The following ARMC7 variants were observed in gnomAD, a reference collection of about 807,000 sequenced individuals.
The protein encoded by ARMC7 is armadillo repeat containing 7.
Under a neutral mutation model 14.8 loss-of-function variants are expected in ARMC7, and 9 were observed. That is an observed-to-expected ratio of 0.61 (90% CI 0.37 to 1.06). The LOEUF (loss-of-function observed/expected upper bound fraction) is 1.06. ARMC7 is among the 50% of genes least tolerant of loss of function. ARMC7 has a pLI of 0.01. For missense variants in ARMC7, 262 were observed against 267.1 expected, an observed-to-expected ratio of 0.98 and a Z score of 0.13; for synonymous variants, 125 against 123.4, an observed-to-expected ratio of 1.01 and a Z score of -0.09.
chr17:75,127,762 T>C (rs1020760249), intron 2 of ARMC7, among the ~76,000 whole-genome samples: 3 of 152,264 alleles, frequency 2.0e-5, no homozygotes, highest in Middle Eastern at 3.4e-3. Context: ...GCCTGGCTAA[T>C]TGTGTGTGTT....
intron 2 of ARMC7, among the ~76,000 whole-genome samples, chr17:75,123,647 C>T (rs192138836): frequency 6.6e-6 from 1 of 152,304 alleles, no homozygotes; most frequent in Admixed American, 6.5e-5. Flanking sequence ...TATTGCCAGA[C>T]ACAATGGCTC....
At chr17:75,113,708 C>G (rs2073950364) in intron 2 of ARMC7, among the ~76,000 whole-genome samples, 1 of 152,230 alleles carries the variant, frequency 6.6e-6, no homozygotes, top group South Asian at 2.1e-4. Flanking sequence ...TCCAGGTCTC[C>G]TCTAAAGAGG....
Position 75,129,424 on chromosome 17 carries a change from T to G in ARMC7, c.*386T>G. ...GCCTTCGCTGCAGGAAATCAGGGAT[T>G]ATCCCTTAACAGAAGTGTCTGGAGT... On this transcript the variant is annotated 3_prime_UTR_variant, in exon 3 of 3. Coordinates refer to ENST00000245543, the MANE Select transcript of ARMC7 (RefSeq NM_024585.4). 8.2e-6 allele frequency: 2 copies of G among 242,536 alleles called. No homozygotes were observed. Among genetic ancestry groups the G allele is most frequent in the Non-Finnish European group, 8.0e-6 (1 of 125,698 alleles). The allele number at this position is 242,536 out of a possible 1,614,324, so 15.0% of individuals were successfully genotyped here.
intron 2 of ARMC7, among the ~76,000 whole-genome samples, chr17:75,128,241 A>G (rs2074066471): frequency 6.6e-6 from 1 of 151,672 alleles, no homozygotes. Flanking sequence ...CACCCGGCTA[A>G]TTTTTGTATT....
chr17:75,119,051 AC>A (rs1255185435), intron 2 of ARMC7, among the ~76,000 whole-genome samples: 2 of 152,100 alleles, frequency 1.3e-5, no homozygotes, highest in East Asian at 3.9e-4. Flanking sequence ...TGATCCTCCG[AC>A]CCCAGCCTCC....
intron 2 of ARMC7, among the ~76,000 whole-genome samples, chr17:75,118,485 C>T (rs930261485): frequency 2.0e-4 from 31 of 152,228 alleles, no homozygotes; most frequent in African/African-American, 7.5e-4. Flanking sequence ...GTGGCGGTCT[C>T]TTTCTCCTGT....
At chr17:75,112,573 C>CTTTTTTTTT (rs549730217) in intron 2 of ARMC7, among the ~76,000 whole-genome samples, 52 of 100,442 alleles carry the variant, frequency 5.2e-4, no homozygotes, top group African/African-American at 8.8e-4. Flanking sequence ...TTCTCTTTTT[C>CTTTTTTTTT]TTTTTTTTTT....
intron 2 of ARMC7, among the ~76,000 whole-genome samples, chr17:75,122,188 T>C (rs768233597): frequency 1.1e-4 from 17 of 151,404 alleles, no homozygotes; most frequent in Non-Finnish European, 2.2e-4. Flanking sequence ...AAAAGGAAAT[T>C]AGTCGGGCAT....
Position 75,109,993 on chromosome 17 carries a change from C to A in ARMC7, c.-296C>A. On this transcript the variant is annotated 5_prime_UTR_variant, in exon 1 of 3. Coordinates refer to ENST00000245543, the MANE Select transcript of ARMC7 (RefSeq NM_024585.4). This position sits in a 1 kb window ranked among gnomAD's most constrained non-coding sequence, Gnocchi z 5.0. ...CGGAACCGAGCCCAGGAGCCGGGGA[C>A]GGTGCGCCAGTGCCCCCTCCGCGAG... is the stretch of plus-strand genomic sequence containing the variant. The A allele has an allele frequency of 2.9e-6, 1 of 341,398 alleles. No homozygotes were observed. Among genetic ancestry groups the A allele is most frequent in the South Asian group, 4.1e-5 (1 of 24,652 alleles). The allele number at this position is 341,398 out of a possible 1,614,324, so 21.1% of individuals were successfully genotyped here. A position where few individuals can be genotyped will look rare whatever the true frequency, so the allele number is the denominator to read the frequency against.
intron 2 of ARMC7, among the ~76,000 whole-genome samples, chr17:75,112,276 G>A (rs2073929662): frequency 6.6e-6 from 1 of 152,244 alleles, no homozygotes; most frequent in Middle Eastern, 3.4e-3. Context: ...ACAAAATTTT[G>A]AGAACAAACA....
intron 2 of ARMC7, among the ~76,000 whole-genome samples, chr17:75,122,780 G>A (rs1388732617): frequency 1.3e-5 from 2 of 152,020 alleles, no homozygotes; most frequent in African/African-American, 2.4e-5. Flanking sequence ...CCATTCTCAC[G>A]GAGTTTATAG....
chr17:75,125,556 AGCT>A (rs1362712620), intron 2 of ARMC7, among the ~76,000 whole-genome samples: 1 of 152,096 alleles, frequency 6.6e-6, no homozygotes. Context: ...ATGTTCCCCC[AGCT>A]GGGCACGGTG....
intron 2 of ARMC7, among the ~76,000 whole-genome samples, chr17:75,121,776 T>TA (rs1472540730): frequency 6.6e-6 from 1 of 152,174 alleles, no homozygotes; most frequent in East Asian, 1.9e-4. Context: ...TGGTTATACT[T>TA]TTTATTTCTC....
chr17:75,125,582 A>AGCCTAGCAC (rs2074045857), intron 2 of ARMC7, among the ~76,000 whole-genome samples: 1 of 152,182 alleles, frequency 6.6e-6, no homozygotes, highest in Non-Finnish European at 1.5e-5. Flanking sequence ...TCACACCCGT[A>AGCCTAGCAC]ATCCTAGCAC....
chr17:75,116,269 G>A (rs747956310), intron 2 of ARMC7, among the ~76,000 whole-genome samples: 10 of 152,176 alleles, frequency 6.6e-5, no homozygotes, highest in Non-Finnish European at 8.8e-5. Context: ...TGCTTACACC[G>A]CCTTCTTTCC....
intron 2 of ARMC7, among the ~76,000 whole-genome samples, chr17:75,112,721 G>A (rs1312482791): frequency 6.7e-6 from 1 of 150,308 alleles, no homozygotes; most frequent in East Asian, 1.9e-4. Context: ...GACTACAGGT[G>A]TGCACCACCA....
chr17:75,113,725 G>A (rs892398401), intron 2 of ARMC7, among the ~76,000 whole-genome samples: 2 of 152,244 alleles, frequency 1.3e-5, no homozygotes, highest in Admixed American at 6.5e-5. Context: ...GAGGAGAGGA[G>A]ATTCCTGGGG....
Position 75,128,803 on chromosome 17 carries a change from C to T in ARMC7, c.362C>T (p.Thr121Met), listed in dbSNP as rs770124022. The T allele has an allele frequency of 8.7e-6, 14 of 1,613,174 alleles. No homozygotes were observed. The highest frequency in any genetic ancestry group is 1.1e-5 in the Non-Finnish European group (13 of 1,180,014). ...NEETVLSAIT[T>M]LMHLSPPGRS... ...GAGACGGTGCTGTCTGCCATCACCA[C>T]GCTCATGCACCTGAGCCCGCCGGGC... Residue 121 changes from threonine (T) to methionine (M), a missense_variant, in exon 3 of 3, where the codon ACG becomes ATG. By Grantham distance (81) the Thr-to-Met change is moderately conservative. Transcript: ENST00000245543.
chr17:75,110,602 T>C lies in ARMC7; in HGVS notation c.231T>C (p.Ala77=), dbSNP rs2073910228. ...AGAATGAGACCCTGGTGGAGTTTGC[T>C]ATTGGTAAGGGCGGGGCCCGTTCCC... ...SEENETLVEF[A]IGGLCNLCPD... The change falls in exon 2 of 3, where the codon GCT becomes GCC. Residue 77 remains alanine, a synonymous_variant. Coordinates refer to ENST00000245543, the MANE Select transcript of ARMC7 (RefSeq NM_024585.4). 7 of 1,614,208 alleles carry C rather than the reference T, an allele frequency of 4.3e-6. No individual in the cohort carries two copies. Among genetic ancestry groups the C allele is most frequent in the Non-Finnish European group, 5.9e-6 (7 of 1,180,034 alleles).
Sources: allele counts gnomAD v4.1 joint callset (sites outside exome capture counted in the v4.1 genomes callset), GRCh38; gene constraint gnomAD v4.1.1; non-coding constraint Gnocchi (gnomAD v3.1); transcripts MANE v1.5; gene names NCBI Gene and HGNC (gene_info 2026-07-23, HGNC 2026-07-21).